Variants in FRAS1 observed in about 807,000 individuals in gnomAD.
FRAS1 encodes the protein Fraser extracellular matrix complex subunit 1.
In FRAS1, 290 loss-of-function variants were observed where a neutral mutation model predicts 435.2. The observed-to-expected ratio is 0.67, with a 90% CI of 0.61 to 0.73. The LOEUF (loss-of-function observed/expected upper bound fraction) is 0.73, where lower values mean the gene tolerates loss of function less well. FRAS1 is among the 30% of genes least tolerant of loss of function. The pLI is 0.00. For synonymous variants in FRAS1, 1,800 were observed against 1,851.0 expected, an observed-to-expected ratio of 0.97 and a Z score of 0.71; for missense variants, 4,860 against 5,001.5, an observed-to-expected ratio of 0.97 and a Z score of 0.85.
chr4:78,141,019 C>T (rs1040600535), intron 2 of FRAS1, among the ~76,000 whole-genome samples: 4 of 152,074 alleles, frequency 2.6e-5, no homozygotes, highest in African/African-American at 9.7e-5. Context: ...AGACATTCTA[C>T]TCTCATAGAA....
intron 58 of FRAS1, 147 bp downstream of exon 58, chr4:78,482,682 A>G: frequency 1.3e-6 from 1 of 795,978 alleles, no homozygotes; most frequent in Non-Finnish European, 2.0e-6. Context: ...TTGCACTTTT[A>G]CATAGCAGAG....
chr4:78,540,617 C>T lies in FRAS1; in HGVS notation c.11532C>T (p.Leu3844=), dbSNP rs773909821. The change falls in exon 74 of 74, where the codon CTC becomes CTT. Residue 3844 remains leucine (L), a synonymous_variant. Transcript: ENST00000512123. ...CAGGGCCCCGGGTCCAGCGCTCTCT[C>T]ACAGCTCCACTCAGACGCAACCGAA... ...TISGPRVQRS[L]TAPLRRNRRD... 1.3e-6 allele frequency: 2 copies of T among 1,569,444 alleles called. No individual in the cohort carries two copies. The highest frequency in any genetic ancestry group is 3.7e-5 in the Admixed American group (2 of 54,084).
chr4:78,105,124 G>A (rs1330618259), intron 2 of FRAS1, among the ~76,000 whole-genome samples: 2 of 152,144 alleles, frequency 1.3e-5, no homozygotes, highest in African/African-American at 4.8e-5. Flanking sequence ...CTGTGGATAT[G>A]CCCACCAGTC....
At chr4:78,469,735 CTTGTTG>C (rs529520900) in intron 50 of FRAS1, among the ~76,000 whole-genome samples, 5 of 151,680 alleles carry the variant, frequency 3.3e-5, no homozygotes, top group South Asian at 2.1e-4. Flanking sequence ...AAGAATGCCA[CTTGTTG>C]TTGTTGTTGT....
Position 78,318,951 on chromosome 4 carries a change from C to T in FRAS1, c.2102C>T (p.Ala701Val), listed in dbSNP as rs1729389341. Residue 701 changes from alanine (A) to valine (V), a missense_variant, in exon 18 of 74, where the codon GCC (alanine) becomes GTC (valine). Transcript: ENST00000512123. ...PSGECLAQCR[A>V]HFYLESTGIC... ...GGCGAGTGTCTAGCCCAGTGTAGAGCCCATTTTTACTTGGAGAGCACTGGC... is the reference window on the plus strand; with the variant it reads ...GGCGAGTGTCTAGCCCAGTGTAGAGTCCATTTTTACTTGGAGAGCACTGGC... 1.2e-6 allele frequency: 2 copies of T among 1,613,798 alleles called. No homozygotes were observed. Among genetic ancestry groups the T allele is most frequent in the East Asian group, 4.5e-5 (2 of 44,888 alleles).
At chr4:78,114,267 C>T (rs1184957342) in intron 2 of FRAS1, among the ~76,000 whole-genome samples, 1 of 152,108 alleles carries the variant, frequency 6.6e-6, no homozygotes, top group African/African-American at 2.4e-5. Context: ...TAGCGTGATG[C>T]CTCCAGCTTT....
intron 2 of FRAS1, among the ~76,000 whole-genome samples, chr4:78,205,460 C>G (rs1299163575): frequency 6.6e-6 from 1 of 152,140 alleles, no homozygotes; most frequent in Non-Finnish European, 1.5e-5. Context: ...TCCCAAAGTG[C>G]TGGGATTACA....
At chr4:78,484,190 T>C (rs986586700) in intron 58 of FRAS1, among the ~76,000 whole-genome samples, 2 of 152,194 alleles carry the variant, frequency 1.3e-5, no homozygotes, top group Non-Finnish European at 2.9e-5. Context: ...AGAAAATGCA[T>C]TTGAGACTCA....
At chr4:78,111,538 TG>T (rs1742693949) in intron 2 of FRAS1, among the ~76,000 whole-genome samples, 1 of 70,478 alleles carries the variant, frequency 1.4e-5, no homozygotes, top group Admixed American at 1.6e-4. Flanking sequence ...CACTCATAGG[TG>T]GGAATTGAAC....
At chr4:78,439,177 T>G (rs1734556049) in intron 40 of FRAS1, 113 bp downstream of exon 40, 4 of 873,364 alleles carry the variant, frequency 4.6e-6, no homozygotes, top group Non-Finnish European at 7.2e-6. Flanking sequence ...CCCCAAAATA[T>G]CCAGGCAGCG....
rs762592898 is a variant in FRAS1, at chr4:78,464,597, T to C, written c.7029+14T>C. On this transcript the variant is annotated intron_variant, in intron 49 of 73. Transcript: ENST00000512123. Reference sequence around the variant, plus strand: ...GCTGACACAGAGGTAAGAGCACTTCTTCCCATGGGTTCTCTGGCTAAATGA... The same window carrying C: ...GCTGACACAGAGGTAAGAGCACTTCCTCCCATGGGTTCTCTGGCTAAATGA... The C allele has an allele frequency of 4.3e-6, 7 of 1,612,620 alleles. No homozygotes were observed. In the East Asian group the frequency reaches 1.6e-4, roughly 36 times the overall value.
intron 47 of FRAS1, among the ~76,000 whole-genome samples, chr4:78,458,956 G>A (rs894179274): frequency 8.5e-5 from 13 of 152,204 alleles, no homozygotes; most frequent in African/African-American, 3.1e-4. Context: ...AAGCAAAGCA[G>A]GTGTTCTGAT....
intron 18 of FRAS1, among the ~76,000 whole-genome samples, chr4:78,324,708 C>CTTTTTTTTTTTTTT (rs139942839): frequency 2.7e-4 from 24 of 88,122 alleles, no homozygotes; most frequent in South Asian, 4.0e-4. Flanking sequence ...GCTCAGATTC[C>CTTTTTTTTTTTTTT]TTTTTTTTTT....
At chr4:78,478,164 A>AT in intron 55 of FRAS1, 103 bp downstream of exon 55, 1 of 1,269,670 alleles carries the variant, frequency 7.9e-7, no homozygotes, top group South Asian at 1.6e-5. Flanking sequence ...CTTAACTCAC[A>AT]TGTGTACTTT....
At chr4:78,180,469 T>G (rs1721950410) in intron 2 of FRAS1, among the ~76,000 whole-genome samples, 1 of 152,178 alleles carries the variant, frequency 6.6e-6, no homozygotes. Context: ...AAAACCAGTT[T>G]GTAATTGGGG....
rs766874307 is a variant in FRAS1, at chr4:78,333,292, A to C, written c.2158A>C (p.Arg720=). The C allele has an allele frequency of 6.2e-7, 1 of 1,609,282 alleles. No homozygotes were observed. Among genetic ancestry groups the C allele is most frequent in the South Asian group, 1.1e-5 (1 of 89,986 alleles). ...CCCAGCTTGCCACCAGTCCTGTTTC[A>C]GATGTGCAGGGAAAAGCCCACATAA... ...ICEACHQSCF[R]CAGKSPHNCT... The change falls in exon 19 of 74, where the codon AGA becomes CGA. Residue 720 remains arginine (R), a synonymous_variant. Coordinates refer to ENST00000512123, the MANE Select transcript of FRAS1 (RefSeq NM_025074.7).
chr4:78,300,835 C>A (rs1728356879), intron 14 of FRAS1, among the ~76,000 whole-genome samples: 1 of 152,066 alleles, frequency 6.6e-6, no homozygotes, highest in Non-Finnish European at 1.5e-5. Flanking sequence ...AATACACGTA[C>A]CCCTTCCCTC....
intron 29 of FRAS1, among the ~76,000 whole-genome samples, chr4:78,390,058 G>A (rs1453951453): frequency 6.6e-6 from 1 of 152,136 alleles, no homozygotes; most frequent in Non-Finnish European, 1.5e-5. Context: ...CAGAGCCTCA[G>A]CATTCATCAG....
chr4:78,380,670 TC>T (rs1279016491), intron 27 of FRAS1, among the ~76,000 whole-genome samples: 1 of 152,242 alleles, frequency 6.6e-6, no homozygotes, highest in African/African-American at 2.4e-5. Context: ...TCTTGGATTA[TC>T]CTTCATCCTG....
Sources: gnomAD v4.1 joint callset for allele counts (sites outside exome capture counted in the v4.1 genomes callset) on GRCh38, gnomAD v4.1.1 for gene constraint, MANE v1.5 for transcripts, NCBI Gene and HGNC (gene_info 2026-07-23, HGNC 2026-07-21) for gene names.